ATP1A1: variants seen among roughly 807,000 people sequenced by gnomAD.
ATP1A1 encodes the protein ATPase Na+/K+ transporting subunit alpha 1, also known as sodium/potassium-transporting ATPase subunit alpha-1.
ATP1A1 carries 14 observed loss-of-function variants against 114.8 expected under a neutral mutation model. The observed-to-expected ratio is 0.12, with a 90% CI of 0.08 to 0.19. The LOEUF is 0.19. Ranked by LOEUF, ATP1A1 falls within the 10% of genes least tolerant of loss-of-function variation. The pLI, the probability that ATP1A1 is intolerant of heterozygous loss-of-function variation, is 1.00. For synonymous variants in ATP1A1, 471 were observed against 466.3 expected, an observed-to-expected ratio of 1.01 and a Z score of -0.13; for missense variants, 524 against 1,290.7, an observed-to-expected ratio of 0.41 and a Z score of 9.10.
At chr1:116,373,762 GTGGGCGGACCC>G (rs1468407658) in intron 1 of ATP1A1, 10 of 1,182,866 alleles carry the variant, frequency 8.5e-6, no homozygotes, top group Non-Finnish European at 3.2e-6. Flanking sequence ...GCTTAGGGGG[GTGGGCGGACCC>G]TGGGCGGGGG....
chr1:116,383,494 C>CA, intron 1 of ATP1A1: 2 of 448,204 alleles, frequency 4.5e-6, no homozygotes, highest in Non-Finnish European at 5.9e-6. Flanking sequence ...TTTATCTCCA[C>CA]GCTGTGGAAG....
intron 12 of ATP1A1, among the ~76,000 whole-genome samples, chr1:116,394,127 C>G (rs995901375): frequency 6.6e-6 from 1 of 152,096 alleles, no homozygotes; most frequent in African/African-American, 2.4e-5. Flanking sequence ...CATACTATTT[C>G]CTGACTGCCT....
Position 116,373,400 on chromosome 1 carries a change from C to G in ATP1A1, c.-112C>G. On this transcript the variant is annotated 5_prime_UTR_variant, in exon 1 of 23. Transcript: ENST00000295598. Reference sequence around the variant, plus strand: ...CCCTCCCGCCCCGCGGCAGCCCTAGCTCCCTCCACTTGGCTCCCCTGGTCC... The same window carrying G: ...CCCTCCCGCCCCGCGGCAGCCCTAGGTCCCTCCACTTGGCTCCCCTGGTCC... The G allele has an allele frequency of 2.2e-6, 2 of 899,988 alleles. No individual in the cohort carries two copies. Among genetic ancestry groups the G allele is most frequent in the Non-Finnish European group, 3.2e-6 (2 of 618,724 alleles). 55.8% of individuals were successfully genotyped at this position (899,988 alleles called of 1,614,324 possible). A position where few individuals can be genotyped will look rare whatever the true frequency, so the allele number is the denominator to read the frequency against.
In ATP1A1 at chr1:116,388,151, A is replaced by G. The variant is rs1164726764; in HGVS notation, c.408A>G (p.Leu136=). 24 of 1,613,804 alleles carry G rather than the reference A, an allele frequency of 1.5e-5. No individual in the cohort carries two copies. The highest frequency in any genetic ancestry group is 2.0e-5 in the Non-Finnish European group (24 of 1,179,902). Residue 136 remains leucine (L), a synonymous_variant, in exon 5 of 23, where the codon CTA becomes CTG. Transcript: ENST00000295598. The surrounding 1 kb of genome is among the most constrained non-coding windows in gnomAD (Gnocchi z 5.6). ...QNDNLYLGVV[L]SAVVIITGCF... is the part of the protein sequence containing the mutation. ...TCCAGCTGTACCTGGGTGTGGTGCT[A>G]TCAGCCGTTGTAATCATAACTGGTT...
At chr1:116,377,756 G>A (rs1191770929) in intron 1 of ATP1A1, among the ~76,000 whole-genome samples, 1 of 152,212 alleles carries the variant, frequency 6.6e-6, no homozygotes, top group African/African-American at 2.4e-5. Flanking sequence ...AGAAACCCGA[G>A]TGTCAGATCA....
Position 116,387,398 on chromosome 1 carries a change from G to T in ATP1A1, c.294G>T (p.Gly98=). The change falls in exon 4 of 23, where the codon GGG becomes GGT. Residue 98 remains glycine, a synonymous_variant. Coordinates refer to ENST00000295598, the MANE Select transcript of ATP1A1 (RefSeq NM_000701.8). This position sits in a 1 kb window ranked among gnomAD's most constrained non-coding sequence, Gnocchi z 6.7. ...TCAAGTTTTGTCGGCAGCTCTTTGG[G>T]GGGTTCTCAATGTTACTGTGGATTG... ...EWIKFCRQLF[G]GFSMLLWIGA... The T allele has an allele frequency of 6.2e-7, 1 of 1,614,194 alleles. No homozygotes were observed. Among genetic ancestry groups the T allele is most frequent in the Non-Finnish European group, 8.5e-7 (1 of 1,180,042 alleles).
chr1:116,392,070 T>A (rs1652510309), intron 10 of ATP1A1, among the ~76,000 whole-genome samples: 1 of 152,262 alleles, frequency 6.6e-6, no homozygotes, highest in African/African-American at 2.4e-5. Flanking sequence ...GCTATACTTC[T>A]GAGCATTGAT....
In ATP1A1 at chr1:116,390,412, G is replaced by T; in HGVS notation, c.1222+1G>T. The T allele has an allele frequency of 6.2e-7, 1 of 1,613,918 alleles. No homozygotes were observed. ...GCTGATACGACAGAGAATCAGAGTG[G>T]TAAGGCCAGGGTTACCACACACCTC... On this transcript the variant is annotated splice_donor_variant, in intron 9 of 22. Coordinates refer to ENST00000295598, the MANE Select transcript of ATP1A1 (RefSeq NM_000701.8). LOFTEE classifies it high-confidence loss of function.
Position 116,384,751 on chromosome 1 carries a change from TAA to T in ATP1A1, c.124-31_124-30del, listed in dbSNP as rs2101038809. ...TGTCATTTTTTTATACTACACTGTT[TAA>T]CTATTTTCTTTGTTTCTGTTTTCCC... On this transcript the variant is annotated intron_variant, in intron 2 of 22. Transcript: ENST00000295598. This position sits in a 1 kb window ranked among gnomAD's most constrained non-coding sequence, Gnocchi z 5.1. 6.4e-7 allele frequency: 1 copy of T among 1,566,838 alleles called. No homozygotes were observed. The highest frequency in any genetic ancestry group is 8.7e-7 in the Non-Finnish European group (1 of 1,147,074).
Position 116,397,814 on chromosome 1 carries a change from TC to T in ATP1A1, c.1974-70del, listed in dbSNP as rs1287194871. ...TTACAAAGTGATCTGCATAAGAATA[TC>T]CCCTCTTGAGGTGATGGACACATGC... On this transcript the variant is annotated intron_variant, in intron 14 of 22. Coordinates refer to ENST00000295598, the MANE Select transcript of ATP1A1 (RefSeq NM_000701.8). The surrounding 1 kb of genome is among the most constrained non-coding windows in gnomAD (Gnocchi z 4.2). 6.6e-7 allele frequency: 1 copy of T among 1,515,678 alleles called. No individual in the cohort carries two copies. Among genetic ancestry groups the T allele is most frequent in the African/African-American group, 1.4e-5 (1 of 71,558 alleles). 93.9% of individuals were successfully genotyped at this position (1,515,678 alleles called of 1,614,324 possible).
In ATP1A1 at chr1:116,395,568, A is replaced by G. The variant is rs1414886356; in HGVS notation, c.1836+283A>G. On this transcript the variant is annotated intron_variant, in intron 13 of 22. Transcript: ENST00000295598. This position sits in a 1 kb window ranked among gnomAD's most constrained non-coding sequence, Gnocchi z 6.4. ...AGACTTGAAGTTTTAAAATACTTGC[A>G]TTATTCTAAGTTAATGTACCTTATG... Among the ~76,000 whole-genome samples the G allele has an allele frequency of 1.3e-5, 2 of 152,250 alleles. No individual in the cohort carries two copies. Among genetic ancestry groups the G allele is most frequent in the Non-Finnish European group, 2.9e-5 (2 of 68,040 alleles).
In ATP1A1 at chr1:116,373,397, T is replaced by C; in HGVS notation, c.-115T>C. On this transcript the variant is annotated 5_prime_UTR_variant, in exon 1 of 23. Coordinates refer to ENST00000295598, the MANE Select transcript of ATP1A1 (RefSeq NM_000701.8). Reference sequence around the variant, plus strand: ...CCACCCTCCCGCCCCGCGGCAGCCCTAGCTCCCTCCACTTGGCTCCCCTGG... The same window carrying C: ...CCACCCTCCCGCCCCGCGGCAGCCCCAGCTCCCTCCACTTGGCTCCCCTGG... 1.3e-5 allele frequency: 5 copies of C among 376,312 alleles called. No homozygotes were observed. The highest frequency in any genetic ancestry group is 1.4e-4 in the East Asian group (1 of 7,074). 23.3% of individuals were successfully genotyped at this position (376,312 alleles called of 1,614,324 possible).
intron 21 of ATP1A1, among the ~76,000 whole-genome samples, chr1:116,403,074 C>T (rs1211316983): frequency 1.3e-5 from 2 of 152,214 alleles, no homozygotes; most frequent in Non-Finnish European, 2.9e-5. Context: ...TCTTCTGGGT[C>T]CTTCCCTGGT....
At chr1:116,383,471 G>T (rs1390611509) in intron 1 of ATP1A1, 1 of 641,190 alleles carries the variant, frequency 1.6e-6, no homozygotes, top group Non-Finnish European at 1.9e-6. Flanking sequence ...ATGAAATGAG[G>T]TTGGCACTAT....
chr1:116,398,523 AGT>A lies in ATP1A1; in HGVS notation c.2125-95_2125-94del. ...TAAATAGTCTCAATAGGAAAGGAGC[AGT>A]GTCTGTAATGAGTGCTCAGTGGGGG... is the stretch of plus-strand genomic sequence containing the variant. On this transcript the variant is annotated intron_variant, in intron 15 of 22. Coordinates refer to ENST00000295598, the MANE Select transcript of ATP1A1 (RefSeq NM_000701.8). This position sits in a 1 kb window ranked among gnomAD's most constrained non-coding sequence, Gnocchi z 6.1. 1 of 1,414,870 alleles carries A rather than the reference AGT, an allele frequency of 7.1e-7. No individual in the cohort carries two copies. 87.6% of individuals were successfully genotyped at this position (1,414,870 alleles called of 1,614,324 possible). A position where few individuals can be genotyped will look rare whatever the true frequency, so the allele number is the denominator to read the frequency against.
intron 1 of ATP1A1, chr1:116,374,277 T>A: frequency 6.4e-7 from 1 of 1,551,630 alleles, no homozygotes; most frequent in East Asian, 2.4e-5. Context: ...CCACTTTCCG[T>A]AAACACAGGA....
intron 1 of ATP1A1, among the ~76,000 whole-genome samples, chr1:116,375,056 C>T (rs1651271824): frequency 6.6e-6 from 1 of 152,202 alleles, no homozygotes; most frequent in Non-Finnish European, 1.5e-5. Flanking sequence ...TGTGCTTTTA[C>T]CACACCGTCA....
In ATP1A1 at chr1:116,383,977, T is replaced by A. The variant is rs765257716; in HGVS notation, c.13-37T>A. The A allele has an allele frequency of 7.0e-6, 11 of 1,563,832 alleles. No individual in the cohort carries two copies. In the Admixed American group the frequency reaches 1.9e-4, roughly 27 times the overall value. On this transcript the variant is annotated intron_variant, in intron 1 of 22. Transcript: ENST00000295598. ...AATTTTCAGTTTCAGATGAGGTTCA[T>A]AATTCATGGCCTCACTTTTCCCACA...
At chr1:116,374,881 A>T (rs1651258337) in intron 1 of ATP1A1, among the ~76,000 whole-genome samples, 1 of 152,168 alleles carries the variant, frequency 6.6e-6, no homozygotes. Flanking sequence ...TAAAGGAGGT[A>T]ATTGAAAGGC....
Sources: gnomAD v4.1 joint callset for allele counts (sites outside exome capture counted in the v4.1 genomes callset) on GRCh38, gnomAD v4.1.1 for gene constraint, Gnocchi (gnomAD v3.1) non-coding constraint, MANE v1.5 for transcripts, NCBI Gene and HGNC (gene_info 2026-07-23, HGNC 2026-07-21) for gene names.